Variants in MGAT4C observed in about 807,000 individuals in gnomAD.
The protein encoded by MGAT4C is alpha-1,3-mannosyl-glycoprotein 4-beta-N-acetylglucosaminyltransferase C.
In MGAT4C, 19 loss-of-function variants were observed where a neutral mutation model predicts 40.1. That is an observed-to-expected ratio of 0.47 (90% CI 0.33 to 0.70). The LOEUF (loss-of-function observed/expected upper bound fraction) is 0.70, where lower values mean the gene tolerates loss of function less well. Among genes scored for constraint, MGAT4C ranks in the 30% least tolerant of loss-of-function variants. The probability of loss-of-function intolerance (pLI) is 0.02; values close to 1 mark genes in which losing one functional copy is unlikely to be tolerated. For synonymous variants in MGAT4C, 181 were observed against 187.1 expected, an observed-to-expected ratio of 0.97 and a Z score of 0.27; for missense variants, 491 against 563.2, an observed-to-expected ratio of 0.87 and a Z score of 1.30.
intron 2 of MGAT4C, among the ~76,000 whole-genome samples, chr12:86,024,739 G>T (rs978437522): frequency 1.3e-5 from 2 of 151,780 alleles, no homozygotes; most frequent in African/African-American, 4.8e-5. Context: ...CTCCCAATGA[G>T]ATTGAAGCAG....
At position 86,562,205 on chromosome 12, in the gene MGAT4C, C is replaced by G. The variant is rs183530687; in HGVS notation, c.-228-126940G>C. On this transcript the variant is annotated intron_variant, in intron 2 of 7. Coordinates refer to the MGAT4C transcript ENST00000548651. ...GAGCCTCAAATCTTCTAAGACTGTT[C>G]TGAGTGGGAATTTTATCTCCTGTAG... Among the ~76,000 whole-genome samples the G allele has an allele frequency of 3.3e-5, 5 of 152,278 alleles. No individual in the cohort carries two copies. The East Asian group carries it at 9.7e-4, about 29-fold the overall frequency.
At chr12:86,534,132 G>C (rs973056052) in intron 2 of MGAT4C, among the ~76,000 whole-genome samples, 13 of 151,960 alleles carry the variant, frequency 8.6e-5, no homozygotes, top group African/African-American at 3.1e-4. Context: ...TCCTGATCCA[G>C]AGACAATTCA....
At chr12:86,739,557 A>T (rs1415945950) in intron 1 of MGAT4C, among the ~76,000 whole-genome samples, 1 of 151,016 alleles carries the variant, frequency 6.6e-6, no homozygotes, top group African/African-American at 2.4e-5. Flanking sequence ...TTGCATTTGT[A>T]CTGAACATGC....
At chr12:86,536,862 T>C (rs1959078737) in intron 2 of MGAT4C, among the ~76,000 whole-genome samples, 1 of 152,212 alleles carries the variant, frequency 6.6e-6, no homozygotes, top group African/African-American at 2.4e-5. Context: ...GCCATCCCAT[T>C]ACTGGGTATA....
At chr12:86,410,332 C>A (rs541186363) in intron 3 of MGAT4C, among the ~76,000 whole-genome samples, 25 of 152,062 alleles carry the variant, frequency 1.6e-4, no homozygotes, top group Non-Finnish European at 7.4e-5. Context: ...ACTCCCAGAG[C>A]GGCCATTTAT....
chr12:86,615,785 C>T (rs1962428833), intron 2 of MGAT4C, among the ~76,000 whole-genome samples: 1 of 152,036 alleles, frequency 6.6e-6, no homozygotes, highest in African/African-American at 2.4e-5. Context: ...TTTTCCCAAA[C>T]TTATCTAATC....
rs147710880 is a variant in MGAT4C at position 86,156,987 on chromosome 12, T to C, written c.-57+99252A>G. On this transcript the variant is annotated intron_variant, in intron 1 of 4. Transcript: ENST00000611864. ...CCCCTCCTGGTGTGTGTGATTGCTA[T>C]AATTTAGGCCCTGGATACTGCAGAA... Among the ~76,000 whole-genome samples, 397 of 152,264 alleles carry C rather than the reference T, an allele frequency of 2.6e-3. 2 individuals are homozygous for C. The highest frequency in any genetic ancestry group is 0.011 in the East Asian group (56 of 5,176).
chr12:86,329,033 G>A (rs1954590937), intron 4 of MGAT4C, among the ~76,000 whole-genome samples: 2 of 151,652 alleles, frequency 1.3e-5, no homozygotes, highest in South Asian at 2.1e-4. Context: ...AACCCAGGGG[G>A]CAGAGGTTGC....
At chr12:86,466,261 G>C (rs1372988976) in intron 2 of MGAT4C, among the ~76,000 whole-genome samples, 2 of 151,818 alleles carry the variant, frequency 1.3e-5, no homozygotes, top group Admixed American at 6.6e-5. Flanking sequence ...CAGTTTTATT[G>C]GTAATTGCCA....
intron 1 of MGAT4C, among the ~76,000 whole-genome samples, chr12:86,215,929 T>A (rs368382850): frequency 6.6e-6 from 1 of 152,146 alleles, no homozygotes; most frequent in Non-Finnish European, 1.5e-5. Context: ...TTGCTTTTTG[T>A]TCTTCAAATT....
chr12:86,527,162 TTAA>T (rs1455599837), intron 2 of MGAT4C, among the ~76,000 whole-genome samples: 1 of 152,230 alleles, frequency 6.6e-6, no homozygotes, highest in Non-Finnish European at 1.5e-5. Context: ...TTGCCAGATG[TTAA>T]TTTTAATTTG....
At chr12:86,231,212 AGAT>A (rs1951310673) in intron 1 of MGAT4C, among the ~76,000 whole-genome samples, 1 of 152,240 alleles carries the variant, frequency 6.6e-6, no homozygotes, top group Non-Finnish European at 1.5e-5. Flanking sequence ...GAAGTGGCAG[AGAT>A]GATATTTTGC....
At chr12:86,328,291 T>C (rs1954573917) in intron 4 of MGAT4C, among the ~76,000 whole-genome samples, 1 of 152,304 alleles carries the variant, frequency 6.6e-6, no homozygotes, top group African/African-American at 2.4e-5. Context: ...AATCAATTAT[T>C]ACCACTGTGA....
chr12:86,541,286 A>G (rs1476811424), intron 2 of MGAT4C, among the ~76,000 whole-genome samples: 1 of 152,220 alleles, frequency 6.6e-6, no homozygotes, highest in African/African-American at 2.4e-5. Flanking sequence ...TTTAGATATC[A>G]AAATTACTTT....
chr12:86,492,713 T>A (rs1008800156), intron 2 of MGAT4C, among the ~76,000 whole-genome samples: 4 of 152,068 alleles, frequency 2.6e-5, no homozygotes, highest in African/African-American at 9.7e-5. Flanking sequence ...AACCTAGGCA[T>A]TACCATTCAG....
At chr12:86,774,360 C>CTTTT (rs1951711528) in intron 1 of MGAT4C, among the ~76,000 whole-genome samples, 4 of 32,770 alleles carry the variant, frequency 1.2e-4, no homozygotes, top group Non-Finnish European at 3.0e-4. Context: ...TCTCCCCTCT[C>CTTTT]TCTCTCTCTC....
At chr12:86,799,799 A>G (rs1952193947) in intron 1 of MGAT4C, among the ~76,000 whole-genome samples, 2 of 151,888 alleles carry the variant, frequency 1.3e-5, no homozygotes, top group South Asian at 4.1e-4. Flanking sequence ...ATTAAGAACC[A>G]TATCTGTACC....
intron 2 of MGAT4C, among the ~76,000 whole-genome samples, chr12:86,623,762 A>T (rs1463444911): frequency 6.6e-6 from 1 of 152,220 alleles, no homozygotes; most frequent in Non-Finnish European, 1.5e-5. Context: ...CCAGTCTGAG[A>T]ACAATGTATG....
chr12:86,597,566 T>A (rs1299944856), intron 2 of MGAT4C, among the ~76,000 whole-genome samples: 3 of 152,216 alleles, frequency 2.0e-5, no homozygotes, highest in Admixed American at 6.5e-5. Flanking sequence ...AGATAATAAT[T>A]TGAACATTAC....
Sources: allele counts gnomAD v4.1 joint callset (sites outside exome capture counted in the v4.1 genomes callset), GRCh38; gene constraint gnomAD v4.1.1; transcripts MANE v1.5; gene names NCBI Gene and HGNC (gene_info 2026-07-23, HGNC 2026-07-21).